Variants in IGSF23 observed in about 807,000 individuals in gnomAD.
The protein encoded by IGSF23 is immunoglobulin superfamily member 23, also known as immunoglobulin superfamily, member 23.
A neutral mutation model predicts 17.8 loss-of-function variants in IGSF23; 14 were observed. That is an observed-to-expected ratio of 0.79 (90% CI 0.52 to 1.23). The LOEUF (loss-of-function observed/expected upper bound fraction) is 1.23, where lower values mean the gene tolerates loss of function less well. Ranked by LOEUF, IGSF23 falls within the 50% of genes most tolerant of loss-of-function variation. The pLI, the probability that IGSF23 is intolerant of heterozygous loss-of-function variation, is 0.00. For synonymous variants in IGSF23, 85 were observed against 92.5 expected, an observed-to-expected ratio of 0.92 and a Z score of 0.46; for missense variants, 214 against 241.7, an observed-to-expected ratio of 0.89 and a Z score of 0.76.
intron 1 of IGSF23, among the ~76,000 whole-genome samples, chr19:44,615,264 G>A (rs549583980): frequency 6.6e-6 from 1 of 152,122 alleles, no homozygotes; most frequent in African/African-American, 2.4e-5. Context: ...ACTCCAGCCT[G>A]GGCGACAGAG....
intron 1 of IGSF23, among the ~76,000 whole-genome samples, chr19:44,621,048 G>A (rs1306749244): frequency 6.6e-6 from 1 of 151,982 alleles, no homozygotes; most frequent in Non-Finnish European, 1.5e-5. Context: ...TTGGGAGGCC[G>A]AGGTGAGAGG....
At chr19:44,632,308 G>T in intron 3 of IGSF23, 1 of 183,862 alleles carries the variant, frequency 5.4e-6, no homozygotes, top group Non-Finnish European at 1.1e-5. Context: ...CTCTGTGTCA[G>T]CCCTTCTTTA....
At chr19:44,615,055 C>T (rs1000245840) in intron 1 of IGSF23, among the ~76,000 whole-genome samples, 1 of 151,912 alleles carries the variant, frequency 6.6e-6, no homozygotes, top group African/African-American at 2.4e-5. Flanking sequence ...TTTGGGAGGC[C>T]GAGGCAGGCG....
At chr19:44,627,947 CTTTT>C (rs56014048) in intron 3 of IGSF23, among the ~76,000 whole-genome samples, 1 of 139,332 alleles carries the variant, frequency 7.2e-6, no homozygotes, top group Non-Finnish European at 1.5e-5. Flanking sequence ...TTTTCTTTTT[CTTTT>C]TTTTTTTTTT....
chr19:44,625,774 T>A (rs1972631898), intron 2 of IGSF23, among the ~76,000 whole-genome samples: 1 of 152,176 alleles, frequency 6.6e-6, no homozygotes. Context: ...ATAATCCCCA[T>A]GTGTCATGAG....
intron 3 of IGSF23, among the ~76,000 whole-genome samples, chr19:44,634,715 C>A (rs529660980): frequency 6.6e-6 from 1 of 151,804 alleles, no homozygotes; most frequent in East Asian, 2.0e-4. Context: ...CCAACAGAAT[C>A]TCTTGAACCT....
intron 3 of IGSF23, chr19:44,632,603 C>A (rs1282991368): frequency 6.5e-6 from 1 of 153,720 alleles, no homozygotes; most frequent in Admixed American, 6.5e-5. Flanking sequence ...GTATCCAAAT[C>A]AGCTGTTCAT....
intron 1 of IGSF23, among the ~76,000 whole-genome samples, chr19:44,622,933 C>T (rs1370586241): frequency 1.3e-5 from 2 of 152,174 alleles, no homozygotes; most frequent in Admixed American, 6.5e-5. Context: ...TCCTCCTTGA[C>T]CCACCTTACC....
chr19:44,613,636 C>A lies in IGSF23; in HGVS notation c.-10C>A. 6.5e-7 allele frequency: 1 copy of A among 1,541,906 alleles called. No individual in the cohort carries two copies. The highest frequency in any genetic ancestry group is 1.2e-5 in the South Asian group (1 of 83,280). On this transcript the variant is annotated 5_prime_UTR_variant, in exon 1 of 5. Transcript: ENST00000402988. The stretch of plus-strand genomic sequence containing the variant: ...CCTCCATCTCCCGGCGGGGATTGTA[C>A]GGTGAGAGAATGAGAGCAAAACCTC...
chr19:44,618,288 C>T (rs1972432729), intron 1 of IGSF23: 4 of 420,906 alleles, frequency 9.5e-6, no homozygotes, highest in African/African-American at 2.1e-5. Context: ...TCACACTGGC[C>T]GGGAGATGCT....
chr19:44,626,621 G>C (rs1972653325), intron 2 of IGSF23, among the ~76,000 whole-genome samples: 1 of 152,208 alleles, frequency 6.6e-6, no homozygotes, highest in African/African-American at 2.4e-5. Flanking sequence ...TAGCTGGCCA[G>C]GTACAGTGGC....
At chr19:44,617,560 A>C (rs193215495) in intron 1 of IGSF23, among the ~76,000 whole-genome samples, 1 of 152,358 alleles carries the variant, frequency 6.6e-6, no homozygotes, top group African/African-American at 2.4e-5. Flanking sequence ...TGTTAATTTT[A>C]AAAAGAAAAA....
chr19:44,615,054 C>A (rs1972338683), intron 1 of IGSF23, among the ~76,000 whole-genome samples: 1 of 152,192 alleles, frequency 6.6e-6, no homozygotes, highest in East Asian at 1.9e-4. Context: ...CTTTGGGAGG[C>A]CGAGGCAGGC....
Position 44,614,066 on chromosome 19 carries a change from C to G in IGSF23, c.125+296C>G, listed in dbSNP as rs1361954179. 4 of 1,231,332 alleles carry G rather than the reference C, an allele frequency of 3.2e-6. No homozygotes were observed. In the African/African-American group the frequency reaches 6.1e-5, roughly 19 times the overall value. The allele number at this position is 1,231,332 out of a possible 1,614,324, so 76.3% of individuals were successfully genotyped here. On this transcript the variant is annotated intron_variant, in intron 1 of 4. Transcript: ENST00000402988. The stretch of plus-strand genomic sequence containing the variant: ...TGTCTCCTTACGAGTCCAAGTCACC[C>G]CCACTCAGAGCTTTGACCCTGTCAG...
At chr19:44,634,996 A>G (rs1459592218) in intron 3 of IGSF23, among the ~76,000 whole-genome samples, 1 of 152,166 alleles carries the variant, frequency 6.6e-6, no homozygotes, top group Non-Finnish European at 1.5e-5. Context: ...TGTAACAAAA[A>G]TGCTACAGAC....
At chr19:44,632,996 C>T (rs950494161) in intron 3 of IGSF23, among the ~76,000 whole-genome samples, 4 of 152,344 alleles carry the variant, frequency 2.6e-5, no homozygotes, top group African/African-American at 7.2e-5. Context: ...ACCTCAATTA[C>T]ACCTACAAGC....
At position 44,635,420 on chromosome 19, in the gene IGSF23, G is replaced by A. The variant is rs1390182506; in HGVS notation, c.565G>A (p.Gly189Arg). Reference sequence around the variant, plus strand: ...CTGCAGGACTGACAGGCAGAGAATAGGAATATGCAGCTGAAATGTGGGCAA... The same window carrying A: ...CTGCAGGACTGACAGGCAGAGAATAAGAATATGCAGCTGAAATGTGGGCAA... ...QSLRTDRQRI[G>R]ICS Residue 189 changes from glycine (G) to arginine (R), a missense_variant, in exon 4 of 5, where the codon GGA becomes AGA. By Grantham distance (125) the Gly-to-Arg change is moderately radical. Transcript: ENST00000402988. 1 of 1,548,582 alleles carries A rather than the reference G, an allele frequency of 6.5e-7. No individual in the cohort carries two copies. The highest frequency in any genetic ancestry group is 1.4e-5 in the African/African-American group (1 of 72,994).
At position 44,627,592 on chromosome 19, in the gene IGSF23, C is replaced by T; in HGVS notation, c.545+19C>T. 6.5e-7 allele frequency: 1 copy of T among 1,540,356 alleles called. No homozygotes were observed. Among genetic ancestry groups the T allele is most frequent in the Non-Finnish European group, 8.8e-7 (1 of 1,139,812 alleles). ...GCCTAAGGTACCTCTATCCCTCACC[C>T]CCGTCCACTGGGCAACATCCACTCA... On this transcript the variant is annotated intron_variant, in intron 3 of 4. Coordinates refer to ENST00000402988, the MANE Select transcript of IGSF23 (RefSeq NM_001205280.2).
intron 2 of IGSF23, among the ~76,000 whole-genome samples, chr19:44,626,737 G>C (rs901315828): frequency 6.6e-6 from 1 of 151,970 alleles, no homozygotes; most frequent in Non-Finnish European, 1.5e-5. Flanking sequence ...TGGTGAAGAA[G>C]ATGGTGAAAC....
Sources: gnomAD v4.1 joint callset for allele counts (sites outside exome capture counted in the v4.1 genomes callset) on GRCh38, gnomAD v4.1.1 for gene constraint, MANE v1.5 for transcripts, NCBI Gene and HGNC (gene_info 2026-07-23, HGNC 2026-07-21) for gene names.